Variants in PLB1 observed in about 807,000 individuals in gnomAD.
PLB1 encodes the protein phospholipase B1, membrane-associated.
Under a neutral mutation model 227.4 loss-of-function variants are expected in PLB1, and 242 were observed. That is an observed-to-expected ratio of 1.06 (90% CI 0.96 to 1.18). The LOEUF is 1.18. Ranked by LOEUF, PLB1 falls within the 50% of genes most tolerant of loss-of-function variation. PLB1 has a pLI of 0.00. For missense variants in PLB1, 1,858 were observed against 1,816.3 expected, an observed-to-expected ratio of 1.02 and a Z score of -0.42; for synonymous variants, 757 against 682.2, an observed-to-expected ratio of 1.11 and a Z score of -1.71.
At chr2:28,605,733 G>T in intron 41 of PLB1, 120 bp from the exon 42 acceptor site, 4 of 722,472 alleles carry the variant, frequency 5.5e-6, no homozygotes, top group Non-Finnish European at 9.8e-6. Flanking sequence ...GTGGTGGCTG[G>T]TGACCTGGAG....
At chr2:28,513,789 G>T (rs1668536951) in intron 1 of PLB1, among the ~76,000 whole-genome samples, 1 of 152,184 alleles carries the variant, frequency 6.6e-6, no homozygotes, top group African/African-American at 2.4e-5. Context: ...GGCTCCACCT[G>T]TTGTCTTCAG....
intron 3 of PLB1, among the ~76,000 whole-genome samples, chr2:28,519,067 C>T (rs13432407): frequency 1.3e-5 from 2 of 152,154 alleles, no homozygotes; most frequent in African/African-American, 2.4e-5. Flanking sequence ...GAAATTGATG[C>T]ACTTTTAAGG....
chr2:28,549,707 G>A (rs1442815840), intron 15 of PLB1, among the ~76,000 whole-genome samples: 1 of 151,922 alleles, frequency 6.6e-6, no homozygotes, highest in African/African-American at 2.4e-5. Context: ...TGCACTTTTT[G>A]CTTTGGCTGC....
chr2:28,633,522 C>G (rs112417700), intron 56 of PLB1: 3,283 of 155,544 alleles, frequency 0.021, 115 homozygotes, highest in African/African-American at 0.075. Context: ...TCCAAGCACT[C>G]CGGGCTCAAC....
intron 1 of PLB1, among the ~76,000 whole-genome samples, chr2:28,510,436 G>T (rs370024358): frequency 2.0e-5 from 3 of 152,056 alleles, no homozygotes; most frequent in Non-Finnish European, 4.4e-5. Context: ...GCTTCCACTG[G>T]TCTAGTCCTG....
intron 44 of PLB1, among the ~76,000 whole-genome samples, chr2:28,614,948 G>A (rs1317295750): frequency 6.6e-6 from 1 of 151,364 alleles, no homozygotes; most frequent in African/African-American, 2.4e-5. Context: ...ACTGAGAAAG[G>A]TGTCTTATAT....
At chr2:28,554,329 AG>A (rs1674694613) in intron 17 of PLB1, among the ~76,000 whole-genome samples, 1 of 151,564 alleles carries the variant, frequency 6.6e-6, no homozygotes, top group Non-Finnish European at 1.5e-5. Flanking sequence ...AGAGAGAGAG[AG>A]AGAAATTTTT....
chr2:28,529,514 G>T (rs931247656), intron 7 of PLB1, 107 bp downstream of exon 7: 1 of 1,074,144 alleles, frequency 9.3e-7, no homozygotes, highest in Non-Finnish European at 1.4e-6. Context: ...CTTAAAAATA[G>T]AAGTATTTAA....
intron 56 of PLB1, among the ~76,000 whole-genome samples, chr2:28,638,207 C>A (rs904705926): frequency 3.3e-5 from 5 of 151,662 alleles, no homozygotes. Flanking sequence ...AAAAGTCAAG[C>A]AGAGTGATGT....
chr2:28,529,605 T>G, intron 7 of PLB1, 123 bp from the exon 8 acceptor site: 1 of 1,100,100 alleles, frequency 9.1e-7, no homozygotes, highest in Non-Finnish European at 1.3e-6. Flanking sequence ...ATGCCCACCC[T>G]TCAGAAGCCA....
intron 14 of PLB1, among the ~76,000 whole-genome samples, chr2:28,543,954 C>G (rs548157361): frequency 1.3e-5 from 2 of 152,350 alleles, no homozygotes; most frequent in South Asian, 4.1e-4. Context: ...GGCTTTGAAC[C>G]TTTTCAGGGC....
chr2:28,538,353 TG>T lies in PLB1; in HGVS notation c.595del (p.Val199CysfsTer14). ...GCGGCGGGCGGCGTGGATGAGCTGATGGGGGTGCTGGACTACCTGCAGCAGG... is the reference window on the plus strand; with the variant it reads ...GCGGCGGGCGGCGTGGATGAGCTGATGGGGTGCTGGACTACCTGCAGCAGG... The part of the protein sequence containing the change: ...GLAAGGVDEL[M>X]GVLDYLQQEV... On this transcript the variant is annotated frameshift_variant, in exon 10 of 58. Transcript: ENST00000327757. LOFTEE classifies it high-confidence loss of function. 1.2e-6 allele frequency: 2 copies of T among 1,612,004 alleles called. No individual in the cohort carries two copies. The highest frequency in any genetic ancestry group is 2.2e-5 in the East Asian group (1 of 44,828).
At chr2:28,506,621 G>C (rs1014226339) in intron 1 of PLB1, among the ~76,000 whole-genome samples, 2 of 152,168 alleles carry the variant, frequency 1.3e-5, no homozygotes, top group Non-Finnish European at 2.9e-5. Flanking sequence ...ACCGGCCTAA[G>C]GTCATGCAGC....
Position 28,579,607 on chromosome 2 carries a change from T to C in PLB1, c.1486-20T>C, listed in dbSNP as rs1679574848. On this transcript the variant is annotated intron_variant, in intron 22 of 57. Coordinates refer to ENST00000327757, the MANE Select transcript of PLB1 (RefSeq NM_153021.5). Reference sequence around the variant, plus strand: ...GACTCTGGGACAAGGTGCTTACTTCTGTGTTTCTATTCATTTCAGAGGATA... The same window carrying C: ...GACTCTGGGACAAGGTGCTTACTTCCGTGTTTCTATTCATTTCAGAGGATA... 2 of 1,593,342 alleles carry C rather than the reference T, an allele frequency of 1.3e-6. No individual in the cohort carries two copies. The highest frequency in any genetic ancestry group is 2.2e-5 in the East Asian group (1 of 44,712).
chr2:28,531,342 G>A (rs907118799), intron 8 of PLB1, among the ~76,000 whole-genome samples: 1 of 151,738 alleles, frequency 6.6e-6, no homozygotes, highest in South Asian at 2.1e-4. Flanking sequence ...ACAGAGTTTC[G>A]CTCTTGTTGC....
intron 41 of PLB1, among the ~76,000 whole-genome samples, chr2:28,605,202 C>G (rs1009803827): frequency 3.3e-5 from 5 of 152,188 alleles, no homozygotes; most frequent in African/African-American, 4.8e-5. Context: ...TATAAGGGAG[C>G]ATTCTGGGGG....
At chr2:28,502,446 A>C (rs1433136393) in intron 1 of PLB1, among the ~76,000 whole-genome samples, 1 of 152,172 alleles carries the variant, frequency 6.6e-6, no homozygotes, top group Non-Finnish European at 1.5e-5. Context: ...AAATTTTGTT[A>C]AAGGCCTTTT....
At position 28,614,101 on chromosome 2, in the gene PLB1, C is replaced by T. The variant is rs1685856474; in HGVS notation, c.3195+5C>T. On this transcript the variant is annotated splice_donor_5th_base_variant and intron_variant, in intron 44 of 57. Coordinates refer to ENST00000327757, the MANE Select transcript of PLB1 (RefSeq NM_153021.5). ...CCCATCAAGCCAGCCATTGAGGTAACCCCTGACTCACATCTGCCTCTCTCA... is the reference window on the plus strand; with the variant it reads ...CCCATCAAGCCAGCCATTGAGGTAATCCCTGACTCACATCTGCCTCTCTCA... 6.2e-7 allele frequency: 1 copy of T among 1,608,750 alleles called. No individual in the cohort carries two copies. Among genetic ancestry groups the T allele is most frequent in the Admixed American group, 1.7e-5 (1 of 59,974 alleles).
At chr2:28,617,570 C>T (rs972401334) in intron 44 of PLB1, among the ~76,000 whole-genome samples, 157 bp from the exon 45 acceptor site, 1 of 152,180 alleles carries the variant, frequency 6.6e-6, no homozygotes, top group Non-Finnish European at 1.5e-5. Flanking sequence ...TCCCTCCTAG[C>T]CCACCTATAA....
Sources: allele counts gnomAD v4.1 joint callset (sites outside exome capture counted in the v4.1 genomes callset), GRCh38; gene constraint gnomAD v4.1.1; transcripts MANE v1.5; gene names NCBI Gene and HGNC (gene_info 2026-07-23, HGNC 2026-07-21).